Variants in PROSER2 observed in about 807,000 individuals in gnomAD.
The protein encoded by PROSER2 is proline and serine rich 2.
PROSER2 carries 18 observed loss-of-function variants against 14.6 expected under a neutral mutation model. The ratio of observed to expected loss-of-function variants is 1.23; its 90% CI spans 0.85 to 1.83. The LOEUF (loss-of-function observed/expected upper bound fraction) is 1.83, where lower values mean the gene tolerates loss of function less well. Ranked by LOEUF, PROSER2 falls within the 40% of genes most tolerant of loss-of-function variation. The pLI, the probability that PROSER2 is intolerant of heterozygous loss-of-function variation, is 0.00. For missense variants in PROSER2, 823 were observed against 629.8 expected, an observed-to-expected ratio of 1.31 and a Z score of -3.28; for synonymous variants, 367 against 286.4, an observed-to-expected ratio of 1.28 and a Z score of -2.84.
At chr10:11,851,017 C>T (rs1214918851) in intron 1 of PROSER2, 2 of 152,320 alleles carry the variant, frequency 1.3e-5, no homozygotes, top group East Asian at 3.9e-4. Context: ...TCAGGAGTGA[C>T]TCCTGAGACC....
Position 11,862,177 on chromosome 10 carries a change from A to G in PROSER2, c.139-4354A>G, listed in dbSNP as rs577488007. Among the ~76,000 whole-genome samples the G allele has an allele frequency of 2.0e-5, 3 of 152,346 alleles. No individual in the cohort carries two copies. The South Asian group carries it at 6.2e-4, about 32-fold the overall frequency. Reference sequence around the variant, plus strand: ...AAGCCATGAGCCATATTCATGGGTCAAGAAAAGATCGCAGAGACATCAGTT... The same window carrying G: ...AAGCCATGAGCCATATTCATGGGTCGAGAAAAGATCGCAGAGACATCAGTT... On this transcript the variant is annotated intron_variant, in intron 2 of 3. Transcript: ENST00000277570. This position sits in a 1 kb window ranked among gnomAD's most constrained non-coding sequence, Gnocchi z 4.2.
At chr10:11,857,222 A>G (rs541056214) in intron 2 of PROSER2, 29 of 151,530 alleles carry the variant, frequency 1.9e-4, no homozygotes, top group African/African-American at 6.7e-4. Context: ...GTCTCAGTCA[A>G]GATCTCTCAG....
intron 1 of PROSER2, among the ~76,000 whole-genome samples, chr10:11,825,985 A>G (rs1334220427): frequency 6.6e-6 from 1 of 152,182 alleles, no homozygotes; most frequent in African/African-American, 2.4e-5. Flanking sequence ...ATCAAGTTCC[A>G]GAACTTTTTC....
In PROSER2 at chr10:11,870,527, G is replaced by T; in HGVS notation, c.*121G>T. ...GTGACAGCGGGAGCCCCTGCCCTCT[G>T]TGGCACATCGGAGTCTAGAGGTGCC... On this transcript the variant is annotated 3_prime_UTR_variant, in exon 4 of 4. Coordinates refer to ENST00000277570, the MANE Select transcript of PROSER2 (RefSeq NM_153256.4). The T allele has an allele frequency of 1.2e-6, 1 of 869,124 alleles. No individual in the cohort carries two copies. Among genetic ancestry groups the T allele is most frequent in the African/African-American group, 1.8e-5 (1 of 55,590 alleles). The allele number at this position is 869,124 out of a possible 1,614,324, so 53.8% of individuals were successfully genotyped here.
At chr10:11,852,684 ATTT>A (rs33939695) in intron 2 of PROSER2, among the ~76,000 whole-genome samples, 1,679 of 98,042 alleles carry the variant, frequency 0.017, 27 homozygotes, top group African/African-American at 0.036. Flanking sequence ...ACACCCGGCT[ATTT>A]TTTTTTTTTT....
Position 11,870,171 on chromosome 10 carries a change from C to T in PROSER2, c.1073C>T (p.Ser358Phe). 1.4e-6 allele frequency: 2 copies of T among 1,479,986 alleles called. No individual in the cohort carries two copies. The highest frequency in any genetic ancestry group is 5.8e-5 in the East Asian group (2 of 34,244). 91.7% of individuals were successfully genotyped at this position (1,479,986 alleles called of 1,614,324 possible). ...GAGGCCCTGAAGAGCGCACCCAGCT[C>T]CTTCGCGCCCGCTGGGAAGTCCCTC... ...AHEALKSAPS[S>F]FAPAGKSLCF... is the part of the protein sequence containing the mutation. The change falls in exon 4 of 4, where the codon TCC (serine) becomes TTC (phenylalanine). Residue 358 changes from serine to phenylalanine, a missense_variant. Ser to Phe is a radical substitution (Grantham distance 155). Transcript: ENST00000277570.
At chr10:11,848,970 C>CCT (rs1318451717) in intron 1 of PROSER2, among the ~76,000 whole-genome samples, 1 of 152,084 alleles carries the variant, frequency 6.6e-6, no homozygotes, top group African/African-American at 2.4e-5. Context: ...GGGCGGATCA[C>CCT]AAGGTCAAGA....
intron 1 of PROSER2, among the ~76,000 whole-genome samples, chr10:11,840,973 T>A (rs1338592674): frequency 1.1e-5 from 1 of 92,710 alleles, no homozygotes; most frequent in Non-Finnish European, 2.1e-5. Flanking sequence ...TATATATATA[T>A]ATATATATAT....
At chr10:11,851,896 A>C in intron 1 of PROSER2, 101 bp from the exon 2 acceptor site, 1 of 507,084 alleles carries the variant, frequency 2.0e-6, no homozygotes. Context: ...CTAATGGTCG[A>C]GTCTGAGAGT....
chr10:11,869,935 G>T lies in PROSER2; in HGVS notation c.837G>T (p.Gln279His). The T allele has an allele frequency of 6.5e-7, 1 of 1,541,886 alleles. No individual in the cohort carries two copies. The highest frequency in any genetic ancestry group is 8.7e-7 in the Non-Finnish European group (1 of 1,148,528). The change falls in exon 4 of 4, where the codon CAG becomes CAT. Residue 279 changes from glutamine to histidine, a missense_variant. Transcript: ENST00000277570. The surrounding 1 kb of genome is among the most constrained non-coding windows in gnomAD (Gnocchi z 4.4). ...TGTCCAGGGCGGCCGTCAGCGTGCA[G>T]GAGCGCAGGGCGCAGGTGTTGGCCA... ...RTLSRAAVSV[Q>H]ERRAQVLATI... is the part of the protein sequence containing the mutation.
In PROSER2 at chr10:11,830,846, C is replaced by T. The variant is rs1356733424; in HGVS notation, c.-82+7376C>T. On this transcript the variant is annotated intron_variant, in intron 1 of 3. Coordinates refer to ENST00000277570, the MANE Select transcript of PROSER2 (RefSeq NM_153256.4). The surrounding 1 kb of genome is among the most constrained non-coding windows in gnomAD (Gnocchi z 4.5). ...CTTTGTGCCCACAGGCTTGGATTGACTTGAGGAATTTGCTAGCAGGTTCCC... is the reference window on the plus strand; with the variant it reads ...CTTTGTGCCCACAGGCTTGGATTGATTTGAGGAATTTGCTAGCAGGTTCCC... Among the ~76,000 whole-genome samples the T allele has an allele frequency of 6.6e-6, 1 of 152,172 alleles. No individual in the cohort carries two copies. Among genetic ancestry groups the T allele is most frequent in the African/African-American group, 2.4e-5 (1 of 41,432 alleles).
rs964469767 is a variant in PROSER2 at position 11,836,572 on chromosome 10, C to A, written c.-82+13102C>A. Among the ~76,000 whole-genome samples, 1 of 152,152 alleles carries A rather than the reference C, an allele frequency of 6.6e-6. No homozygotes were observed. The highest frequency in any genetic ancestry group is 1.5e-5 in the Non-Finnish European group (1 of 68,026). ...TTTTGGAACAAATCTTCACAAAATTCATGGTATGCACGCCGGCCCCTTCCT... is the reference window on the plus strand; with the variant it reads ...TTTTGGAACAAATCTTCACAAAATTAATGGTATGCACGCCGGCCCCTTCCT... On this transcript the variant is annotated intron_variant, in intron 1 of 3. Coordinates refer to ENST00000277570, the MANE Select transcript of PROSER2 (RefSeq NM_153256.4). The surrounding 1 kb of genome is among the most constrained non-coding windows in gnomAD (Gnocchi z 4.6).
intron 1 of PROSER2, among the ~76,000 whole-genome samples, chr10:11,825,917 G>A (rs1361139846): frequency 6.6e-6 from 1 of 152,120 alleles, no homozygotes; most frequent in East Asian, 1.9e-4. Context: ...GCTTTAAAGT[G>A]CACAAATCAG....
intron 1 of PROSER2, among the ~76,000 whole-genome samples, chr10:11,848,766 CTGAGT>C (rs1833965531): frequency 6.6e-6 from 1 of 152,230 alleles, no homozygotes; most frequent in South Asian, 2.1e-4. Context: ...TGTGCTTGAG[CTGAGT>C]TCACTGCTTT....
At chr10:11,826,071 TTC>T (rs1833608108) in intron 1 of PROSER2, among the ~76,000 whole-genome samples, 1 of 152,084 alleles carries the variant, frequency 6.6e-6, no homozygotes, top group South Asian at 2.1e-4. Flanking sequence ...ACTGATCTCC[TTC>T]TGTCTCGGTA....
Position 11,869,946 on chromosome 10 carries a change from C to A in PROSER2, c.848C>A (p.Ala283Glu). ...GCCGTCAGCGTGCAGGAGCGCAGGG[C>A]GCAGGTGTTGGCCACCATCCACGGC... ...RAAVSVQERR[A>E]QVLATIHGHA... The change falls in exon 4 of 4, where the codon GCG becomes GAG. Residue 283 changes from alanine (A) to glutamate (E), a missense_variant. By Grantham distance (107) the Ala-to-Glu change is moderately radical. Coordinates refer to ENST00000277570, the MANE Select transcript of PROSER2 (RefSeq NM_153256.4). The surrounding 1 kb of genome is among the most constrained non-coding windows in gnomAD (Gnocchi z 4.4). 1 of 1,493,648 alleles carries A rather than the reference C, an allele frequency of 6.7e-7. No homozygotes were observed. The highest frequency in any genetic ancestry group is 8.9e-7 in the Non-Finnish European group (1 of 1,126,800). The allele number at this position is 1,493,648 out of a possible 1,614,324, so 92.5% of individuals were successfully genotyped here.
chr10:11,858,336 T>C (rs1450815277), intron 2 of PROSER2, among the ~76,000 whole-genome samples: 1 of 152,222 alleles, frequency 6.6e-6, no homozygotes, highest in Non-Finnish European at 1.5e-5. Flanking sequence ...TTCTCTAATC[T>C]GTGCTGGTAT....
In PROSER2 at chr10:11,870,461, A is replaced by G; in HGVS notation, c.*55A>G. ...TCTCCCCACCCTGAAGAGAGGGTGA[A>G]AGAGTCGCTGCACCCAGGAGCTGTT... On this transcript the variant is annotated 3_prime_UTR_variant, in exon 4 of 4. Transcript: ENST00000277570. 3.8e-6 allele frequency: 5 copies of G among 1,330,314 alleles called. No homozygotes were observed. In the South Asian group the frequency reaches 6.6e-5, roughly 17 times the overall value. The allele number at this position is 1,330,314 out of a possible 1,614,324, so 82.4% of individuals were successfully genotyped here. A position where few individuals can be genotyped will look rare whatever the true frequency, so the allele number is the denominator to read the frequency against.
chr10:11,840,940 AAAAAAAAAAAAAAAAATATAT>A (rs1225177832), intron 1 of PROSER2, among the ~76,000 whole-genome samples: 113 of 67,928 alleles, frequency 1.7e-3, no homozygotes, highest in Non-Finnish European at 2.5e-3. Context: ...AAAAAAAAAA[AAAAAAAAAAAAAAAAATATAT>A]ATATATATAT....
Sources: allele counts gnomAD v4.1 joint callset (sites outside exome capture counted in the v4.1 genomes callset), GRCh38; gene constraint gnomAD v4.1.1; non-coding constraint Gnocchi (gnomAD v3.1); transcripts MANE v1.5; gene names NCBI Gene and HGNC (gene_info 2026-07-23, HGNC 2026-07-21).